PIEZO2: variants seen among roughly 807,000 people sequenced by gnomAD.
PIEZO2 encodes piezo-type mechanosensitive ion channel component 2.
In PIEZO2, 172 loss-of-function variants were observed where a neutral mutation model predicts 337.3. That is an observed-to-expected ratio of 0.51 (90% CI 0.45 to 0.58). PIEZO2 has a LOEUF of 0.58. Ranked by LOEUF, PIEZO2 falls within the 20% of genes least tolerant of loss-of-function variation. PIEZO2 has a pLI of 0.00. For synonymous variants in PIEZO2, 1,251 were observed against 1,228.5 expected (o/e 1.02, Z -0.38); for missense variants, 3,028 against 3,391.3 (o/e 0.89, Z 2.66).
intron 11 of PIEZO2, among the ~76,000 whole-genome samples, chr18:10,798,579 T>C (rs776742868): frequency 1.3e-5 from 2 of 152,252 alleles, no homozygotes; most frequent in African/African-American, 2.4e-5. Context: ...TTAACACTTT[T>C]TGTGTATATA....
chr18:10,717,426 G>A (rs539398322), intron 37 of PIEZO2, among the ~76,000 whole-genome samples: 3 of 145,378 alleles, frequency 2.1e-5, no homozygotes, highest in African/African-American at 8.6e-5. Context: ...GCATTTGTGT[G>A]GGGACATAAA....
At chr18:10,786,228 A>G (rs2039218408) in intron 16 of PIEZO2, among the ~76,000 whole-genome samples, 1 of 152,238 alleles carries the variant, frequency 6.6e-6, no homozygotes, top group Non-Finnish European at 1.5e-5. Flanking sequence ...GTCACAAAGT[A>G]TAATAGACTT....
chr18:10,992,919 T>C (rs1176730629), intron 2 of PIEZO2, among the ~76,000 whole-genome samples: 2 of 152,228 alleles, frequency 1.3e-5, no homozygotes, highest in Admixed American at 1.3e-4. Flanking sequence ...CAGTGGTTTA[T>C]AGTTCTCCTT....
chr18:10,976,450 C>T (rs916424627), intron 3 of PIEZO2, among the ~76,000 whole-genome samples: 26 of 152,174 alleles, frequency 1.7e-4, no homozygotes, highest in Non-Finnish European at 2.6e-4. Context: ...CTCAATCTTT[C>T]ACATATCCCT....
Position 10,886,343 on chromosome 18 carries a change from TACACAC to T in PIEZO2, c.330-14934_330-14929del, listed in dbSNP as rs1555669500. On this transcript the variant is annotated intron_variant, in intron 4 of 55. Transcript: ENST00000674853. ...ACATACATATATATATATATATATATACACACACACACACACACATATATATGTGTG... is the reference window on the plus strand; with the variant it reads ...ACATACATATATATATATATATATATACACACACACACATATATATGTGTG... Among the ~76,000 whole-genome samples, 4 of 23,716 alleles carry T rather than the reference TACACAC, an allele frequency of 1.7e-4. 1 individual carries two copies. Among genetic ancestry groups the T allele is most frequent in the African/African-American group, 6.2e-4 (2 of 3,218 alleles). The allele number at this position is 23,716 out of a possible 152,430, so 15.6% of individuals were successfully genotyped here. A position where few individuals can be genotyped will look rare whatever the true frequency, so the allele number is the denominator to read the frequency against.
intron 1 of PIEZO2, among the ~76,000 whole-genome samples, chr18:11,123,666 C>T (rs372182566): frequency 4.9e-4 from 74 of 152,118 alleles, no homozygotes; most frequent in Middle Eastern, 3.4e-3. Context: ...AACAATTAGC[C>T]GGGCGTGGTG....
chr18:11,064,442 TTG>T (rs2038083904), intron 2 of PIEZO2, among the ~76,000 whole-genome samples: 1 of 152,236 alleles, frequency 6.6e-6, no homozygotes, highest in Non-Finnish European at 1.5e-5. Context: ...GTGCACCTGT[TTG>T]TGCTCTGTTT....
rs561430295 is a variant in PIEZO2 at position 10,863,297 on chromosome 18, G to A, written c.493-6086C>T. 7.2e-5 allele frequency among the ~76,000 whole-genome samples: 11 copies of A among 152,328 alleles called. 1 individual carries two copies. In the South Asian group the frequency reaches 1.9e-3, roughly 26 times the overall value. On this transcript the variant is annotated intron_variant, in intron 5 of 55. Transcript: ENST00000674853. The surrounding 1 kb of genome is among the most constrained non-coding windows in gnomAD (Gnocchi z 4.3). The stretch of plus-strand genomic sequence containing the variant: ...CAGTGAGGGAAAAAAAGATAGATGT[G>A]TTTGAATGCTATTGTGTGTACCTTA...
chr18:11,075,511 A>C (rs1168071151), intron 1 of PIEZO2, among the ~76,000 whole-genome samples: 1 of 152,226 alleles, frequency 6.6e-6, no homozygotes, highest in Admixed American at 6.5e-5. Flanking sequence ...GATGCTTTAG[A>C]GCAGCAGACA....
chr18:10,989,304 A>G (rs1598790682), intron 2 of PIEZO2, among the ~76,000 whole-genome samples: 1 of 152,154 alleles, frequency 6.6e-6, no homozygotes, highest in African/African-American at 2.4e-5. Flanking sequence ...TAGAAGACAA[A>G]CTAGATCAAT....
Position 10,962,860 on chromosome 18 carries a change from T to C in PIEZO2, c.286+16675A>G, listed in dbSNP as rs2033841407. Among the ~76,000 whole-genome samples the C allele has an allele frequency of 6.7e-6, 1 of 150,250 alleles. No homozygotes were observed. Among genetic ancestry groups the C allele is most frequent in the South Asian group, 2.1e-4 (1 of 4,818 alleles). On this transcript the variant is annotated intron_variant, in intron 3 of 55. Coordinates refer to ENST00000674853, the MANE Select transcript of PIEZO2 (RefSeq NM_001378183.1). This position sits in a 1 kb window ranked among gnomAD's most constrained non-coding sequence, Gnocchi z 4.1. ...AGGGATGACTTTTCCCACTGAGCTA[T>C]TAGTTCTAACAGCCCTGAAAGCTAT...
At position 10,827,758 on chromosome 18, in the gene PIEZO2, C is replaced by T. The variant is rs7240799; in HGVS notation, c.918-20484G>A. ...AGATGAAGGCAACTACAACCTTGGA[C>T]AAGATCACAGCCACATATTCCTCTC... On this transcript the variant is annotated intron_variant, in intron 7 of 55. Transcript: ENST00000674853. Among the ~76,000 whole-genome samples the T allele has an allele frequency of 3.6e-3, 541 of 152,334 alleles. 5 individuals carry two copies. The highest frequency in any genetic ancestry group is 0.012 in the African/African-American group (509 of 41,576).
At chr18:10,720,867 C>G (rs2036282545) in intron 36 of PIEZO2, among the ~76,000 whole-genome samples, 1 of 152,106 alleles carries the variant, frequency 6.6e-6, no homozygotes, top group Admixed American at 6.6e-5. Context: ...CGGTCTTGAC[C>G]AGCTAAGCTG....
At position 11,149,204 on chromosome 18, in the gene PIEZO2, C is replaced by G. The variant is rs961067701; in HGVS notation, c.-616G>C. On this transcript the variant is annotated 5_prime_UTR_variant, in exon 1 of 56. Transcript: ENST00000674853. This position sits in a 1 kb window ranked among gnomAD's most constrained non-coding sequence, Gnocchi z 8.7. ...CCCCAGGCGGCCCGCGGCGGATCCC[C>G]GAGAGGCAGCGCAGCTCAGCCCCTG... Among the ~76,000 whole-genome samples, 3 of 152,060 alleles carry G rather than the reference C, an allele frequency of 2.0e-5. No homozygotes were observed. Among genetic ancestry groups the G allele is most frequent in the Non-Finnish European group, 4.4e-5 (3 of 68,004 alleles).
chr18:11,035,797 A>C lies in PIEZO2; in HGVS notation c.160+30330T>G, dbSNP rs886139964. Among the ~76,000 whole-genome samples, 2 of 152,112 alleles carry C rather than the reference A, an allele frequency of 1.3e-5. No homozygotes were observed. Among genetic ancestry groups the C allele is most frequent in the African/African-American group, 2.4e-5 (1 of 41,408 alleles). ...GCAGCACATATTTGTAAATAAGCCAACTCCTAAAATAATATGAAACTCTGA... is the reference window on the plus strand; with the variant it reads ...GCAGCACATATTTGTAAATAAGCCACCTCCTAAAATAATATGAAACTCTGA... On this transcript the variant is annotated intron_variant, in intron 2 of 55. Transcript: ENST00000674853. The surrounding 1 kb of genome is among the most constrained non-coding windows in gnomAD (Gnocchi z 4.3).
In PIEZO2 at chr18:10,702,178, A is replaced by C; in HGVS notation, c.6259-7T>G. On this transcript the variant is annotated splice_polypyrimidine_tract_variant and splice_region_variant and intron_variant, in intron 42 of 55. Transcript: ENST00000674853. Reference sequence around the variant, plus strand: ...ACTTGACTACAATTGCCACCTACGCACAGATGACAGAAATTTTAAAACATT... The same window carrying C: ...ACTTGACTACAATTGCCACCTACGCCCAGATGACAGAAATTTTAAAACATT... 7 of 1,532,132 alleles carry C rather than the reference A, an allele frequency of 4.6e-6. No homozygotes were observed. Among genetic ancestry groups the C allele is most frequent in the Non-Finnish European group, 6.1e-6 (7 of 1,145,594 alleles). The allele number at this position is 1,532,132 out of a possible 1,614,324, so 94.9% of individuals were successfully genotyped here.
intron 7 of PIEZO2, among the ~76,000 whole-genome samples, chr18:10,839,614 G>A (rs944742025): frequency 6.6e-6 from 1 of 152,194 alleles, no homozygotes; most frequent in African/African-American, 2.4e-5. Context: ...TGTCTGGCTT[G>A]GCAGTAAAGC....
At chr18:10,786,075 C>T (rs2039212195) in intron 16 of PIEZO2, among the ~76,000 whole-genome samples, 1 of 152,146 alleles carries the variant, frequency 6.6e-6, no homozygotes. Flanking sequence ...GACTCCAACT[C>T]ACACACTTTT....
At chr18:10,987,725 G>A (rs1235549875) in intron 2 of PIEZO2, among the ~76,000 whole-genome samples, 1 of 151,916 alleles carries the variant, frequency 6.6e-6, no homozygotes, top group Non-Finnish European at 1.5e-5. Context: ...CTTCTGCACA[G>A]CAAAAGAAAC....
Sources: gnomAD v4.1 joint callset for allele counts (sites outside exome capture counted in the v4.1 genomes callset) on GRCh38, gnomAD v4.1.1 for gene constraint, Gnocchi (gnomAD v3.1) non-coding constraint, MANE v1.5 for transcripts, NCBI Gene and HGNC (gene_info 2026-07-23, HGNC 2026-07-21) for gene names.